The following NEK10 variants were observed in gnomAD, a reference collection of about 807,000 sequenced individuals.
NEK10 encodes NIMA related kinase 10, also known as serine/threonine-protein kinase Nek10.
In NEK10, 122 loss-of-function variants were observed where a neutral mutation model predicts 159.8. The observed-to-expected ratio is 0.76, with a 90% confidence interval of 0.66 to 0.89. The LOEUF is 0.89. NEK10 is among the 40% of genes least tolerant of loss of function. NEK10 has a pLI of 0.00. For missense variants in NEK10, 1,342 were observed against 1,323.1 expected, an observed-to-expected ratio of 1.01 and a Z score of -0.22; for synonymous variants, 466 against 457.1, an observed-to-expected ratio of 1.02 and a Z score of -0.25.
At chr3:27,216,065 C>T (rs1465173617) in intron 23 of NEK10, among the ~76,000 whole-genome samples, 1 of 152,056 alleles carries the variant, frequency 6.6e-6, no homozygotes, top group African/African-American at 2.4e-5. Flanking sequence ...TTGATTGTAC[C>T]AACACTAAAG....
At chr3:27,240,101 A>G (rs1954382720) in intron 23 of NEK10, among the ~76,000 whole-genome samples, 1 of 152,182 alleles carries the variant, frequency 6.6e-6, no homozygotes, top group Non-Finnish European at 1.5e-5. Flanking sequence ...GAGGACCTTA[A>G]TGGGAACCAA....
intron 35 of NEK10, among the ~76,000 whole-genome samples, chr3:27,113,260 G>A (rs146892232): frequency 0.013 from 1,985 of 151,836 alleles, 22 homozygotes; most frequent in African/African-American, 0.027. Flanking sequence ...AAGAAACCCC[G>A]TTTCTACTAA....
At chr3:27,182,809 G>C (rs1948250291) in intron 26 of NEK10, among the ~76,000 whole-genome samples, 1 of 152,026 alleles carries the variant, frequency 6.6e-6, no homozygotes, top group Admixed American at 6.6e-5. Flanking sequence ...ATTATGTTAA[G>C]TGAAATAAGC....
At chr3:27,162,348 CGCTCTTTGTATTAAAATTACCACCCAA>C in intron 30 of NEK10, 1 of 1,479,956 alleles carries the variant, frequency 6.8e-7, no homozygotes, top group South Asian at 1.4e-5. Flanking sequence ...CAGAATTCTC[CGCTCTTTGTATTAAAATTACCACCCAA>C]GCATCGTTCA....
chr3:27,162,169 G>C (rs1463219360), intron 30 of NEK10: 10 of 343,458 alleles, frequency 2.9e-5, no homozygotes, highest in Non-Finnish European at 4.8e-5. Flanking sequence ...ACTATTTTTT[G>C]TTTGTAGGTA....
In NEK10 at chr3:27,236,235, T is replaced by C. The variant is rs143616225; in HGVS notation, c.2090+20061A>G. ...AATACCTGGGTGATGAAATAATCTA[T>C]ATAACTAACAATGTAACAAACCTGC... is the stretch of plus-strand genomic sequence containing the variant. On this transcript the variant is annotated intron_variant, in intron 23 of 35. Coordinates refer to ENST00000691995, the MANE Select transcript of NEK10 (RefSeq NM_001394966.1). Among the ~76,000 whole-genome samples the C allele has an allele frequency of 8.5e-5, 13 of 152,192 alleles. No homozygotes were observed. The East Asian group carries it at 2.5e-3, about 29-fold the overall frequency.
intron 26 of NEK10, among the ~76,000 whole-genome samples, chr3:27,181,536 G>A (rs1389874981): frequency 6.6e-6 from 1 of 152,066 alleles, no homozygotes; most frequent in Non-Finnish European, 1.5e-5. Context: ...GTGGATTCAT[G>A]CAGTTCAAAC....
At chr3:27,171,510 G>A (rs1186543204) in intron 29 of NEK10, among the ~76,000 whole-genome samples, 2 of 152,026 alleles carry the variant, frequency 1.3e-5, no homozygotes, top group Non-Finnish European at 2.9e-5. Flanking sequence ...TAAGACCAGG[G>A]CTCCAGATGA....
chr3:27,258,119 A>T (rs900190206), intron 22 of NEK10, among the ~76,000 whole-genome samples: 4 of 152,056 alleles, frequency 2.6e-5, no homozygotes, highest in Non-Finnish European at 5.9e-5. Flanking sequence ...TTATCTATAA[A>T]ATAAGGATTA....
chr3:27,270,986 A>G (rs968143860), intron 22 of NEK10, among the ~76,000 whole-genome samples: 1 of 152,054 alleles, frequency 6.6e-6, no homozygotes, highest in African/African-American at 2.4e-5. Flanking sequence ...TTTTTCATTC[A>G]TTTAGGGTCT....
intron 4 of NEK10, among the ~76,000 whole-genome samples, chr3:27,345,542 C>T (rs756127075): frequency 2.0e-5 from 3 of 152,168 alleles, no homozygotes; most frequent in Non-Finnish European, 4.4e-5. Flanking sequence ...CCCAAGCACA[C>T]TGTAAAACTG....
chr3:27,129,779 A>G (rs1170337594), intron 32 of NEK10, among the ~76,000 whole-genome samples: 1 of 152,182 alleles, frequency 6.6e-6, no homozygotes, highest in African/African-American at 2.4e-5. Context: ...TGGGGGAAAC[A>G]GAATGTAAGG....
intron 25 of NEK10, among the ~76,000 whole-genome samples, chr3:27,192,865 C>T (rs983914395): frequency 2.0e-5 from 3 of 152,110 alleles, no homozygotes; most frequent in African/African-American, 7.2e-5. Flanking sequence ...CCTGTATTTG[C>T]CATCACTGGA....
intron 30 of NEK10, among the ~76,000 whole-genome samples, chr3:27,142,327 C>G (rs956981437): frequency 4.6e-5 from 7 of 152,122 alleles, no homozygotes; most frequent in Non-Finnish European, 8.8e-5. Flanking sequence ...TCTAGATTAC[C>G]TACAAGGCCA....
chr3:27,187,568 G>A (rs1037144829), intron 26 of NEK10, among the ~76,000 whole-genome samples: 4 of 152,124 alleles, frequency 2.6e-5, no homozygotes, highest in African/African-American at 9.7e-5. Flanking sequence ...AAGAGAAAAT[G>A]AGGAAGAGTA....
At chr3:27,158,524 CA>C (rs1165402842) in intron 30 of NEK10, among the ~76,000 whole-genome samples, 1 of 151,976 alleles carries the variant, frequency 6.6e-6, no homozygotes, top group African/African-American at 2.4e-5. Context: ...CCTTTACTAA[CA>C]AAATGGAAAC....
intron 30 of NEK10, among the ~76,000 whole-genome samples, chr3:27,153,983 C>T (rs1028101807): frequency 1.3e-5 from 2 of 151,766 alleles, no homozygotes; most frequent in African/African-American, 4.8e-5. Flanking sequence ...GAAATTGAAA[C>T]AAAAAATATA....
At chr3:27,186,258 T>C (rs1057002407) in intron 26 of NEK10, among the ~76,000 whole-genome samples, 4 of 152,250 alleles carry the variant, frequency 2.6e-5, no homozygotes, top group African/African-American at 9.6e-5. Context: ...GAAAATTTTG[T>C]GCACTTCTCC....
chr3:27,300,709 A>G (rs2043746380), intron 13 of NEK10, among the ~76,000 whole-genome samples: 1 of 152,026 alleles, frequency 6.6e-6, no homozygotes, highest in African/African-American at 2.4e-5. Context: ...CGTCAATCTC[A>G]TCCACTCTTT....
Sources: allele counts gnomAD v4.1 joint callset (sites outside exome capture counted in the v4.1 genomes callset), GRCh38; gene constraint gnomAD v4.1.1; transcripts MANE v1.5; gene names NCBI Gene and HGNC (gene_info 2026-07-23, HGNC 2026-07-21).